Variants in GALNTL6 observed in about 807,000 individuals in gnomAD.
GALNTL6 encodes the protein polypeptide N-acetylgalactosaminyltransferase like 6.
A neutral mutation model predicts 73.7 loss-of-function variants in GALNTL6; 46 were observed. That is an observed-to-expected ratio of 0.62 (90% CI 0.49 to 0.80). The LOEUF is 0.80. Among genes scored for constraint, GALNTL6 ranks in the 30% least tolerant of loss-of-function variants. The pLI, the probability that GALNTL6 is intolerant of heterozygous loss-of-function variation, is 0.00. For synonymous variants in GALNTL6, 259 were observed against 263.7 expected (o/e 0.98, Z 0.17); for missense variants, 604 against 755.0 (o/e 0.80, Z 2.34).
chr4:172,960,759 T>C (rs1561057346), intron 10 of GALNTL6, among the ~76,000 whole-genome samples: 1 of 152,146 alleles, frequency 6.6e-6, no homozygotes, highest in African/African-American at 2.4e-5. Context: ...CGAGTTTGTA[T>C]TGGGGTCAAG....
intron 2 of GALNTL6, among the ~76,000 whole-genome samples, chr4:171,851,934 C>T (rs1735534738): frequency 6.6e-6 from 1 of 152,094 alleles, no homozygotes; most frequent in African/African-American, 2.4e-5. Flanking sequence ...TTAGAAAATG[C>T]CTTAGGGAAT....
intron 10 of GALNTL6, among the ~76,000 whole-genome samples, chr4:172,977,270 A>T (rs746162316): frequency 6.6e-6 from 1 of 152,250 alleles, no homozygotes; most frequent in Admixed American, 6.5e-5. Context: ...TCCTATGGAC[A>T]GCCCTTCCAT....
At chr4:173,020,365 TG>T (rs1752944531) in intron 11 of GALNTL6, among the ~76,000 whole-genome samples, 1 of 152,148 alleles carries the variant, frequency 6.6e-6, no homozygotes, top group African/African-American at 2.4e-5. Context: ...TATAATAGAA[TG>T]GGATACATAA....
chr4:172,407,128 C>G (rs1744265790), intron 5 of GALNTL6, among the ~76,000 whole-genome samples: 1 of 152,054 alleles, frequency 6.6e-6, no homozygotes, highest in African/African-American at 2.4e-5. Flanking sequence ...TGCATATAAT[C>G]TAATTCTGCT....
chr4:172,630,766 G>T (rs10015795), intron 5 of GALNTL6, among the ~76,000 whole-genome samples: 52,112 of 148,006 alleles, frequency 0.35, 9,835 homozygotes, highest in Middle Eastern at 0.5. Context: ...AAGCTATCTT[G>T]TTTTTATATA....
intron 8 of GALNTL6, among the ~76,000 whole-genome samples, chr4:172,892,257 G>T (rs1268293443): frequency 6.6e-6 from 1 of 152,174 alleles, no homozygotes; most frequent in Non-Finnish European, 1.5e-5. Context: ...ATATGAGGAG[G>T]CTGGCAATTC....
At position 172,931,084 on chromosome 4, in the gene GALNTL6, G is replaced by A. The variant is rs140535638; in HGVS notation, c.1042-77G>A. ...TAAAGACTTTTAGAGATTTTAAGAT[G>A]GTTTATGAGTCCTACTGATTATTCC... On this transcript the variant is annotated intron_variant, in intron 8 of 12. Transcript: ENST00000506823. 802 of 812,938 alleles carry A rather than the reference G, an allele frequency of 9.9e-4. 4 individuals are homozygous for A. In the African/African-American group the frequency reaches 0.012, roughly 12 times the overall value. 50.4% of individuals were successfully genotyped at this position (812,938 alleles called of 1,614,324 possible).
intron 5 of GALNTL6, among the ~76,000 whole-genome samples, chr4:172,385,614 T>C (rs1310304618): frequency 7.9e-5 from 12 of 152,062 alleles, no homozygotes; most frequent in Non-Finnish European, 1.5e-4. Context: ...GTTTGTATAG[T>C]ATATCTCATT....
intron 5 of GALNTL6, among the ~76,000 whole-genome samples, chr4:172,533,255 C>A (rs574138919): frequency 1.8e-3 from 271 of 151,400 alleles, no homozygotes; most frequent in African/African-American, 6.4e-3. Context: ...TCAGGTGATC[C>A]ACCCACGTCA....
chr4:172,776,822 A>G (rs2110883739), intron 5 of GALNTL6, among the ~76,000 whole-genome samples: 1 of 152,338 alleles, frequency 6.6e-6, no homozygotes, highest in Admixed American at 6.5e-5. Flanking sequence ...GACCACCACT[A>G]GTAGTTTGAC....
intron 2 of GALNTL6, among the ~76,000 whole-genome samples, chr4:171,821,352 T>C (rs1037722102): frequency 6.6e-6 from 1 of 152,120 alleles, no homozygotes; most frequent in African/African-American, 2.4e-5. Flanking sequence ...TGTGCCCTTA[T>C]TTCTGACATG....
intron 2 of GALNTL6, among the ~76,000 whole-genome samples, chr4:172,193,308 CAGA>C (rs1325498672): frequency 1.3e-5 from 2 of 152,132 alleles, no homozygotes; most frequent in African/African-American, 2.4e-5. Context: ...ATGGAGCTCC[CAGA>C]AGAAGTAGCA....
chr4:173,028,563 A>C (rs542654586), intron 12 of GALNTL6, among the ~76,000 whole-genome samples: 14 of 152,090 alleles, frequency 9.2e-5, no homozygotes, highest in Non-Finnish European at 1.6e-4. Flanking sequence ...CCCGCCAACT[A>C]CCTGAGGGCA....
chr4:172,386,450 TATAATC>T (rs1743475368), intron 5 of GALNTL6, among the ~76,000 whole-genome samples: 1 of 152,048 alleles, frequency 6.6e-6, no homozygotes, highest in Non-Finnish European at 1.5e-5. Context: ...AGAGTATTGT[TATAATC>T]ATTCTGCAGA....
intron 5 of GALNTL6, among the ~76,000 whole-genome samples, chr4:172,485,966 T>C (rs1484544841): frequency 6.6e-6 from 1 of 152,166 alleles, no homozygotes; most frequent in Non-Finnish European, 1.5e-5. Context: ...TATGGATGGC[T>C]CAGCAATGCT....
rs1350827830 is a variant in GALNTL6 at position 172,528,963 on chromosome 4, A to ATATATATATATATATATATG, written c.553+180275_553+180276insATATATATATATATATATGT. Among the ~76,000 whole-genome samples the ATATATATATATATATATATG allele has an allele frequency of 1.5e-3, 46 of 30,220 alleles. 3 individuals are homozygous for ATATATATATATATATATATG. Among genetic ancestry groups the ATATATATATATATATATATG allele is most frequent in the African/African-American group, 2.4e-3 (36 of 14,970 alleles). The allele number at this position is 30,220 out of a possible 152,430, so 19.8% of individuals were successfully genotyped here. On this transcript the variant is annotated intron_variant, in intron 5 of 12. Coordinates refer to ENST00000506823, the MANE Select transcript of GALNTL6 (RefSeq NM_001034845.3). ...TGTTTTCCCAAAGGCATATATATAT[A>ATATATATATATATATATATG]TGTGTGTGTATATTTATACATATGT... is the stretch of plus-strand genomic sequence containing the variant.
chr4:171,848,291 A>T (rs1735428097), intron 2 of GALNTL6, among the ~76,000 whole-genome samples: 1 of 152,162 alleles, frequency 6.6e-6, no homozygotes, highest in African/African-American at 2.4e-5. Flanking sequence ...CTATAGACAG[A>T]TGTTCTGTCA....
At chr4:172,719,512 C>T (rs1464852251) in intron 5 of GALNTL6, among the ~76,000 whole-genome samples, 1 of 152,118 alleles carries the variant, frequency 6.6e-6, no homozygotes, top group East Asian at 1.9e-4. Flanking sequence ...CCTCTACTTT[C>T]CTTATTGCTA....
intron 5 of GALNTL6, among the ~76,000 whole-genome samples, chr4:172,760,712 C>T (rs144320167): frequency 6.6e-6 from 1 of 152,152 alleles, no homozygotes; most frequent in Non-Finnish European, 1.5e-5. Context: ...CAGCTGCACT[C>T]ACACTGGAGA....
Sources: gnomAD v4.1 joint callset for allele counts (sites outside exome capture counted in the v4.1 genomes callset) on GRCh38, gnomAD v4.1.1 for gene constraint, MANE v1.5 for transcripts, NCBI Gene and HGNC (gene_info 2026-07-23, HGNC 2026-07-21) for gene names.